ST18: variants seen among roughly 807,000 people sequenced by gnomAD.
ST18 encodes the protein ST18 C2H2C-type zinc finger transcription factor, also known as suppression of tumorigenicity 18 protein.
ST18 carries 50 observed loss-of-function variants against 110.0 expected under a neutral mutation model. The observed-to-expected ratio is 0.45, with a 90% CI of 0.36 to 0.58. The LOEUF (loss-of-function observed/expected upper bound fraction) is 0.58, where lower values mean the gene tolerates loss of function less well. Among genes scored for constraint, ST18 ranks in the 20% least tolerant of loss-of-function variants. The pLI, the probability that ST18 is intolerant of heterozygous loss-of-function variation, is 0.00. For synonymous variants in ST18, 461 were observed against 452.4 expected (o/e 1.02, Z -0.24); for missense variants, 1,306 against 1,280.1 (o/e 1.02, Z -0.31).
chr8:52,158,801 G>A (rs1169518486), intron 15 of ST18, 97 bp downstream of exon 15: 11 of 1,378,286 alleles, frequency 8.0e-6, no homozygotes, highest in Non-Finnish European at 1.1e-5. Context: ...AGAGGTTGGG[G>A]AGCAGAGTGG....
chr8:52,391,243 C>G (rs531296288), intron 2 of ST18, among the ~76,000 whole-genome samples: 40 of 152,292 alleles, frequency 2.6e-4, no homozygotes, highest in African/African-American at 9.6e-4. Flanking sequence ...TTTGATTTCA[C>G]AAATGTATCT....
intron 2 of ST18, among the ~76,000 whole-genome samples, chr8:52,399,905 A>T (rs553072905): frequency 6.2e-4 from 94 of 152,154 alleles, no homozygotes; most frequent in Middle Eastern, 3.4e-3. Context: ...TGAAAGTTCC[A>T]TATATGTCTG....
intron 2 of ST18, among the ~76,000 whole-genome samples, chr8:52,354,155 C>A (rs1480353817): frequency 6.6e-6 from 1 of 152,214 alleles, no homozygotes; most frequent in Non-Finnish European, 1.5e-5. Flanking sequence ...TCTGGAAGGT[C>A]TTTTGCTTTT....
chr8:52,249,428 G>T (rs1345849710), intron 2 of ST18: 1 of 152,340 alleles, frequency 6.6e-6, no homozygotes, highest in African/African-American at 2.4e-5. Context: ...ATAAAGCAGG[G>T]GTGGGCTAGG....
At chr8:52,207,197 A>G (rs2080400100) in intron 8 of ST18, among the ~76,000 whole-genome samples, 1 of 152,362 alleles carries the variant, frequency 6.6e-6, no homozygotes. Context: ...TGTTAAATCT[A>G]TAACTAGGCC....
chr8:52,291,958 A>G (rs927624567), intron 2 of ST18, among the ~76,000 whole-genome samples: 1 of 152,046 alleles, frequency 6.6e-6, no homozygotes, highest in Admixed American at 6.6e-5. Context: ...ATATTTTTGT[A>G]CAGACGGGGT....
At chr8:52,193,120 C>T (rs552293803) in intron 8 of ST18, among the ~76,000 whole-genome samples, 43 of 152,230 alleles carry the variant, frequency 2.8e-4, no homozygotes, top group South Asian at 4.2e-4. Context: ...GGATCTGAGT[C>T]GTGCAACCAA....
chr8:52,146,839 T>TTAGA (rs1253578447), intron 16 of ST18, among the ~76,000 whole-genome samples: 1 of 152,112 alleles, frequency 6.6e-6, no homozygotes, highest in Non-Finnish European at 1.5e-5. Context: ...ATATCAGGAG[T>TTAGA]TAGAGTGATT....
intron 22 of ST18, among the ~76,000 whole-genome samples, chr8:52,128,512 A>T (rs1039984535): frequency 6.6e-6 from 1 of 152,108 alleles, no homozygotes; most frequent in African/African-American, 2.4e-5. Flanking sequence ...TTTTTTTCAA[A>T]GGGAAAATTT....
chr8:52,358,530 T>C (rs571868571), intron 2 of ST18, among the ~76,000 whole-genome samples: 47 of 152,088 alleles, frequency 3.1e-4, no homozygotes, highest in African/African-American at 1.1e-3. Flanking sequence ...CTACTAACTT[T>C]ATAGAAATAA....
intron 2 of ST18, among the ~76,000 whole-genome samples, chr8:52,362,075 G>T (rs1825968775): frequency 6.6e-6 from 1 of 152,004 alleles, no homozygotes; most frequent in African/African-American, 2.4e-5. Context: ...CAAAAGAGGG[G>T]GTTATAAAAT....
chr8:52,356,387 C>T (rs759994663), intron 2 of ST18, among the ~76,000 whole-genome samples: 38 of 152,228 alleles, frequency 2.5e-4, no homozygotes, highest in South Asian at 6.2e-4. Flanking sequence ...CAGACTTCAG[C>T]GGCCACACAT....
At chr8:52,342,290 G>A (rs528207397) in intron 2 of ST18, among the ~76,000 whole-genome samples, 2 of 151,886 alleles carry the variant, frequency 1.3e-5, no homozygotes, top group African/African-American at 4.8e-5. Context: ...CATATTCATG[G>A]GAGGAATCCA....
intron 2 of ST18, among the ~76,000 whole-genome samples, chr8:52,292,104 T>A (rs570594306): frequency 1.3e-5 from 2 of 152,326 alleles, no homozygotes; most frequent in South Asian, 4.1e-4. Context: ...CTAAAGTAAA[T>A]ATTAACTCTT....
chr8:52,167,592 G>T (rs2063445580), intron 10 of ST18, among the ~76,000 whole-genome samples: 1 of 152,202 alleles, frequency 6.6e-6, no homozygotes, highest in African/African-American at 2.4e-5. Flanking sequence ...CACCCCCACG[G>T]GTTGCCACTT....
intron 2 of ST18, chr8:52,404,133 C>A (rs1387450935): frequency 6.6e-6 from 1 of 152,138 alleles, no homozygotes; most frequent in Non-Finnish European, 1.5e-5. Context: ...ATGACAATCT[C>A]ATAAAGGATA....
At chr8:52,365,361 C>T (rs1369796376) in intron 2 of ST18, among the ~76,000 whole-genome samples, 2 of 152,092 alleles carry the variant, frequency 1.3e-5, no homozygotes, top group African/African-American at 4.8e-5. Context: ...AATCGTCTCA[C>T]ACTCAGTCAC....
chr8:52,409,754 A>G lies in ST18; in HGVS notation c.-796T>C, dbSNP rs568731579. 13 of 152,286 alleles carry G rather than the reference A, an allele frequency of 8.5e-5. No individual in the cohort carries two copies. Among genetic ancestry groups the G allele is most frequent in the African/African-American group, 2.7e-4 (11 of 41,470 alleles). The allele number at this position is 152,286 out of a possible 1,614,324, so 9.4% of individuals were successfully genotyped here. On this transcript the variant is annotated 5_prime_UTR_variant, in exon 1 of 26. Transcript: ENST00000689386. ...TCTCCCTACAAAAAGGTTCCATAGA[A>G]TCAGAACGCAGAGGCGCTGCAACTT...
intron 10 of ST18, among the ~76,000 whole-genome samples, chr8:52,170,979 A>G (rs1427020746): frequency 6.6e-6 from 1 of 152,112 alleles, no homozygotes; most frequent in African/African-American, 2.4e-5. Context: ...TCCTCTCCCT[A>G]ATTTTGTGGC....
Sources: allele counts gnomAD v4.1 joint callset (sites outside exome capture counted in the v4.1 genomes callset), GRCh38; gene constraint gnomAD v4.1.1; transcripts MANE v1.5; gene names NCBI Gene and HGNC (gene_info 2026-07-23, HGNC 2026-07-21).